FER1L6: variants seen among roughly 807,000 people sequenced by gnomAD.
The protein encoded by FER1L6 is fer-1 like family member 6.
A neutral mutation model predicts 219.2 loss-of-function variants in FER1L6; 177 were observed. The ratio of observed to expected loss-of-function variants is 0.81; its 90% confidence interval spans 0.71 to 0.91. The LOEUF is 0.91. Among genes scored for constraint, FER1L6 ranks in the 40% least tolerant of loss-of-function variants. The probability of loss-of-function intolerance (pLI) is 0.00; values close to 1 mark genes in which losing one functional copy is unlikely to be tolerated. For missense variants in FER1L6, 2,153 were observed against 2,259.9 expected, an observed-to-expected ratio of 0.95 and a Z score of 0.96; for synonymous variants, 768 against 824.3, an observed-to-expected ratio of 0.93 and a Z score of 1.17.
intron 22 of FER1L6, among the ~76,000 whole-genome samples, chr8:124,055,978 C>T (rs565097008): frequency 3.9e-5 from 6 of 152,108 alleles, no homozygotes; most frequent in South Asian, 2.1e-4. Flanking sequence ...TCTCTTTCTC[C>T]CCCGAGCCTC....
chr8:124,064,860 T>C (rs1196179862), intron 26 of FER1L6, among the ~76,000 whole-genome samples: 1 of 152,250 alleles, frequency 6.6e-6, no homozygotes, highest in Non-Finnish European at 1.5e-5. Flanking sequence ...CATGGGTTTC[T>C]TCCTCCAAGT....
chr8:123,912,433 G>T (rs1813064466), intron 1 of FER1L6, among the ~76,000 whole-genome samples: 1 of 152,090 alleles, frequency 6.6e-6, no homozygotes, highest in African/African-American at 2.4e-5. Context: ...GCTTGGGGTG[G>T]TTAGAAAATA....
At chr8:124,046,901 C>CTATA (rs1819764688) in intron 21 of FER1L6, 1 of 152,200 alleles carries the variant, frequency 6.6e-6, no homozygotes, top group Non-Finnish European at 1.5e-5. Context: ...GTGTAGCAGT[C>CTATA]TATACATCCA....
rs71576706 is a variant in FER1L6, at chr8:123,856,316, G to GTGTGTGTGTGTGTATATATATATA, written c.-8+4132_-8+4133insGTGTGTGTGTGTATATATATATAT. Among the ~76,000 whole-genome samples the GTGTGTGTGTGTGTATATATATATA allele has an allele frequency of 1.1e-3, 48 of 45,086 alleles. 3 individuals are homozygous for GTGTGTGTGTGTGTATATATATATA. The highest frequency in any genetic ancestry group is 1.4e-3 in the Non-Finnish European group (31 of 21,684). The allele number at this position is 45,086 out of a possible 152,430, so 29.6% of individuals were successfully genotyped here. On this transcript the variant is annotated intron_variant, in intron 1 of 40. Transcript: ENST00000522917. Reference sequence around the variant, plus strand: ...TGTATATATATATATATATGTATGTGTATATATATATATATATATATATAT... The same window carrying GTGTGTGTGTGTGTATATATATATA: ...TGTATATATATATATATATGTATGTGTGTGTGTGTGTGTATATATATATATATATATATATATATATATATATAT...
chr8:124,116,976 G>T (rs1823274821), intron 39 of FER1L6, among the ~76,000 whole-genome samples: 1 of 152,168 alleles, frequency 6.6e-6, no homozygotes, highest in African/African-American at 2.4e-5. Context: ...AGAAAACTGA[G>T]ACTCAAGAAG....
chr8:123,975,165 A>T lies in FER1L6; in HGVS notation c.542A>T (p.Asn181Ile), dbSNP rs1414433976. Residue 181 changes from asparagine (N) to isoleucine (I), a missense_variant, in exon 8 of 41, where the codon AAC becomes ATC. Transcript: ENST00000522917. ...GCTTTCACAGGTCATCAGTTCTGCA[A>T]CAAGTGGGCCCTGCTCACAGACCCT... ...VYNQPGHQFCNKWALLTDPGD... is the reference protein window; with the variant it reads ...VYNQPGHQFCIKWALLTDPGD... 5.0e-6 allele frequency: 8 copies of T among 1,605,100 alleles called. No individual in the cohort carries two copies. The South Asian group carries it at 8.9e-5, about 18-fold the overall frequency.
At chr8:123,877,378 T>C (rs1817021550) in intron 1 of FER1L6, among the ~76,000 whole-genome samples, 2 of 152,238 alleles carry the variant, frequency 1.3e-5, no homozygotes, top group Admixed American at 1.3e-4. Flanking sequence ...CTCTGGTTGA[T>C]GCTATTTTTC....
In FER1L6 at chr8:124,097,850, C is replaced by T. The variant is rs188772384; in HGVS notation, c.4850C>T (p.Thr1617Ile). The change falls in exon 37 of 41, where the codon ACA becomes ATA. Residue 1617 changes from threonine (T) to isoleucine (I), a missense_variant. Transcript: ENST00000522917. Reference protein sequence around the residue: ...DVILEDENIFTGQKSSDIYVK... With the variant: ...DVILEDENIFIGQKSSDIYVK... ...ATTTTAGAGGATGAGAATATCTTCA[C>T]AGGCCAAAAATCAAGTGATATTTAT... is the stretch of plus-strand genomic sequence containing the variant. 2 of 1,602,010 alleles carry T rather than the reference C, an allele frequency of 1.2e-6. No homozygotes were observed. Among genetic ancestry groups the T allele is most frequent in the East Asian group, 2.2e-5 (1 of 44,818 alleles).
Position 124,097,325 on chromosome 8 carries a change from C to T in FER1L6, c.4750C>T (p.Pro1584Ser). The T allele has an allele frequency of 6.2e-7, 1 of 1,613,492 alleles. No homozygotes were observed. Among genetic ancestry groups the T allele is most frequent in the Non-Finnish European group, 8.5e-7 (1 of 1,179,612 alleles). Reference protein sequence around the residue: ...MFPKDMPQPGPPVDISPRRPK... With the variant: ...MFPKDMPQPGSPVDISPRRPK... ...TCCCAAGGATATGCCTCAACCTGGA[C>T]CTCCTGTTGACATCTCTCCAAGGCG... is the stretch of plus-strand genomic sequence containing the variant. The change falls in exon 36 of 41, where the codon CCT (proline) becomes TCT (serine). Residue 1584 changes from proline to serine, a missense_variant. Coordinates refer to ENST00000522917, the MANE Select transcript of FER1L6 (RefSeq NM_001039112.2).
In FER1L6 at chr8:123,853,602, G is replaced by A. The variant is rs1305390326; in HGVS notation, c.-8+1417G>A. The stretch of plus-strand genomic sequence containing the variant: ...ATTAATCAGGGGAGATTTTACAAGG[G>A]TGGATGAGTAGAGAAAAAGGGGTAG... On this transcript the variant is annotated intron_variant, in intron 1 of 40. Transcript: ENST00000522917. The surrounding 1 kb of genome is among the most constrained non-coding windows in gnomAD (Gnocchi z 6.6). Among the ~76,000 whole-genome samples the A allele has an allele frequency of 5.9e-5, 9 of 152,188 alleles. No homozygotes were observed. The highest frequency in any genetic ancestry group is 1.9e-4 in the African/African-American group (8 of 41,452).
chr8:124,117,154 C>T (rs1331543917), intron 39 of FER1L6, among the ~76,000 whole-genome samples: 1 of 152,174 alleles, frequency 6.6e-6, no homozygotes, highest in African/African-American at 2.4e-5. Flanking sequence ...TCATACAGAC[C>T]TGGGTTCAAA....
At chr8:124,101,918 T>C (rs1822562899) in intron 38 of FER1L6, among the ~76,000 whole-genome samples, 1 of 152,200 alleles carries the variant, frequency 6.6e-6, no homozygotes, top group Non-Finnish European at 1.5e-5. Context: ...TAGCGACAAC[T>C]GGAAGTGGGG....
intron 39 of FER1L6, among the ~76,000 whole-genome samples, chr8:124,112,722 T>C (rs1029034791): frequency 3.3e-5 from 5 of 152,210 alleles, no homozygotes; most frequent in African/African-American, 9.6e-5. Flanking sequence ...ACTTATATGT[T>C]ATGTTCTAAA....
At chr8:123,936,992 G>A (rs1348457956) in intron 1 of FER1L6, among the ~76,000 whole-genome samples, 1 of 152,140 alleles carries the variant, frequency 6.6e-6, no homozygotes, top group East Asian at 1.9e-4. Context: ...TGCAACCTCC[G>A]CCTCCTGGGT....
At chr8:124,095,319 T>G (rs567014651) in intron 35 of FER1L6, among the ~76,000 whole-genome samples, 1 of 152,336 alleles carries the variant, frequency 6.6e-6, no homozygotes, top group Non-Finnish European at 1.5e-5. Context: ...AGCCCTGCCC[T>G]GGAGTCAGTG....
At chr8:123,997,042 C>T (rs1326214521) in intron 12 of FER1L6, among the ~76,000 whole-genome samples, 1 of 152,154 alleles carries the variant, frequency 6.6e-6, no homozygotes. Flanking sequence ...GTAATTTAGA[C>T]ACCACAATTA....
At chr8:123,990,608 T>C (rs1021601452) in intron 12 of FER1L6, among the ~76,000 whole-genome samples, 22 of 152,250 alleles carry the variant, frequency 1.4e-4, no homozygotes, top group African/African-American at 4.8e-4. Context: ...GTTCCTGGTA[T>C]TCTGGATATT....
At chr8:123,988,301 C>T (rs973253698) in intron 12 of FER1L6, among the ~76,000 whole-genome samples, 1 of 152,162 alleles carries the variant, frequency 6.6e-6, no homozygotes, top group Non-Finnish European at 1.5e-5. Flanking sequence ...ATAGCTTTGG[C>T]TATTCTGCGT....
chr8:124,054,197 C>A (rs1820177808), intron 22 of FER1L6, among the ~76,000 whole-genome samples: 1 of 152,196 alleles, frequency 6.6e-6, no homozygotes, highest in African/African-American at 2.4e-5. Context: ...CCATCCTCCA[C>A]ATTCCTTCCA....
Sources: gnomAD v4.1 joint callset for allele counts (sites outside exome capture counted in the v4.1 genomes callset) on GRCh38, gnomAD v4.1.1 for gene constraint, Gnocchi (gnomAD v3.1) non-coding constraint, MANE v1.5 for transcripts, NCBI Gene and HGNC (gene_info 2026-07-23, HGNC 2026-07-21) for gene names.